LPIN2: variants seen among roughly 807,000 people sequenced by gnomAD.
LPIN2 encodes the protein lipin 2.
A neutral mutation model predicts 111.4 loss-of-function variants in LPIN2; 55 were observed. The observed-to-expected ratio is 0.49, with a 90% CI of 0.40 to 0.62. The LOEUF is 0.62. Ranked by LOEUF, LPIN2 falls within the 20% of genes least tolerant of loss-of-function variation. The probability of loss-of-function intolerance (pLI) is 0.00; values close to 1 mark genes in which losing one functional copy is unlikely to be tolerated. For synonymous variants in LPIN2, 425 were observed against 414.0 expected (o/e 1.03, Z -0.32); for missense variants, 992 against 1,112.1 (o/e 0.89, Z 1.54).
intron 12 of LPIN2, 112 bp from the exon 13 acceptor site, chr18:2,926,917 T>A: frequency 1.2e-6 from 1 of 814,370 alleles, no homozygotes; most frequent in Non-Finnish European, 2.1e-6. Context: ...ACCCACAACT[T>A]AAAAATGCTC....
At chr18:2,931,202 G>C in intron 9 of LPIN2, 54 bp downstream of exon 9, 1 of 1,580,256 alleles carries the variant, frequency 6.3e-7, no homozygotes, top group Non-Finnish European at 8.7e-7. Context: ...TTTTAACCAA[G>C]TGATGACCAG....
chr18:3,009,137 C>T (rs963992502), intron 1 of LPIN2, among the ~76,000 whole-genome samples: 3 of 151,988 alleles, frequency 2.0e-5, no homozygotes. Flanking sequence ...CGGTGGCTCA[C>T]GTCTGTAATC....
intron 1 of LPIN2, among the ~76,000 whole-genome samples, chr18:3,011,293 C>T (rs1049742643): frequency 1.3e-5 from 2 of 152,160 alleles, no homozygotes; most frequent in Non-Finnish European, 2.9e-5. Flanking sequence ...ATAATGCGTG[C>T]CTATTGACTC....
intron 9 of LPIN2, among the ~76,000 whole-genome samples, chr18:2,930,999 G>A (rs2077204790): frequency 6.6e-6 from 1 of 152,140 alleles, no homozygotes; most frequent in Non-Finnish European, 1.5e-5. Flanking sequence ...AGAAAACAGG[G>A]CGGCCTGATA....
chr18:3,004,271 A>G (rs2078477905), intron 1 of LPIN2, among the ~76,000 whole-genome samples: 1 of 152,048 alleles, frequency 6.6e-6, no homozygotes, highest in Non-Finnish European at 1.5e-5. Flanking sequence ...CTCCCTGTTC[A>G]TACACCCCCT....
chr18:2,931,130 T>C (rs1282792926), intron 9 of LPIN2, 126 bp downstream of exon 9: 1 of 1,120,436 alleles, frequency 8.9e-7, no homozygotes, highest in East Asian at 2.6e-5. Flanking sequence ...TTACAGAACA[T>C]ACCTGTTACC....
At chr18:3,000,606 T>C (rs752523002) in intron 1 of LPIN2, among the ~76,000 whole-genome samples, 1 of 152,238 alleles carries the variant, frequency 6.6e-6, no homozygotes, top group Admixed American at 6.5e-5. Context: ...CCCAACATCA[T>C]GAGTGTACAC....
chr18:3,000,992 G>A (rs1267979398), intron 1 of LPIN2, among the ~76,000 whole-genome samples: 1 of 150,970 alleles, frequency 6.6e-6, no homozygotes, highest in Non-Finnish European at 1.5e-5. Context: ...GGGAGGGAGA[G>A]AGAGAGAAAT....
chr18:2,937,963 C>A lies in LPIN2; in HGVS notation c.897G>T (p.Arg299=), dbSNP rs760221776. The A allele has an allele frequency of 3.1e-6, 5 of 1,614,098 alleles. No homozygotes were observed. The South Asian group carries it at 5.5e-5, about 18-fold the overall frequency. The change falls in exon 7 of 20, where the codon CGG becomes CGT. Residue 299 remains arginine (R), a synonymous_variant. Coordinates refer to ENST00000677752, the MANE Select transcript of LPIN2 (RefSeq NM_001375808.2). The stretch of plus-strand genomic sequence containing the variant: ...TGAGGTTGTCCTCACTGGGAATTAC[C>A]CGAAAATGAGTATTTTCTGATGGTG... ...TITPSENTHF[R]VIPSEDNLIS...
intron 1 of LPIN2, among the ~76,000 whole-genome samples, chr18:2,978,045 G>T (rs138488989): frequency 0.011 from 1,686 of 152,150 alleles, 10 homozygotes; most frequent in Non-Finnish European, 0.016. Context: ...ACAAAAAGAA[G>T]CCGGGAGTGG....
intron 1 of LPIN2, among the ~76,000 whole-genome samples, chr18:2,981,991 T>C (rs1489968640): frequency 6.6e-6 from 1 of 152,206 alleles, no homozygotes; most frequent in African/African-American, 2.4e-5. Context: ...CTTCCACAGG[T>C]AGAGTTACAC....
intron 1 of LPIN2, among the ~76,000 whole-genome samples, chr18:2,971,033 CTT>C (rs1170288044): frequency 6.6e-6 from 1 of 152,194 alleles, no homozygotes; most frequent in Non-Finnish European, 1.5e-5. Context: ...CGGCCCAGAC[CTT>C]TACTCAACGA....
intron 1 of LPIN2, among the ~76,000 whole-genome samples, chr18:2,974,900 G>A (rs941402228): frequency 1.3e-5 from 2 of 152,228 alleles, no homozygotes; most frequent in Admixed American, 1.3e-4. Flanking sequence ...GGAGGCTGAG[G>A]TGGGAGGGAA....
chr18:2,953,467 A>C (rs893842405), intron 3 of LPIN2, among the ~76,000 whole-genome samples: 1 of 152,204 alleles, frequency 6.6e-6, no homozygotes, highest in Non-Finnish European at 1.5e-5. Flanking sequence ...TATTACAAAG[A>C]TAAGTAATGA....
chr18:2,971,515 C>T (rs553801553), intron 1 of LPIN2, among the ~76,000 whole-genome samples: 1 of 152,220 alleles, frequency 6.6e-6, no homozygotes, highest in East Asian at 1.9e-4. Flanking sequence ...AGAGAAAAGT[C>T]CCGCAAGCTT....
At chr18:2,928,370 A>G (rs1653370532) in intron 11 of LPIN2, among the ~76,000 whole-genome samples, 1 of 152,234 alleles carries the variant, frequency 6.6e-6, no homozygotes, top group African/African-American at 2.4e-5. Flanking sequence ...ATTTATGTCT[A>G]ATAAAAATGA....
At chr18:2,981,184 G>A (rs965849235) in intron 1 of LPIN2, among the ~76,000 whole-genome samples, 18 of 151,790 alleles carry the variant, frequency 1.2e-4, no homozygotes, top group Admixed American at 9.8e-4. Context: ...CAGAAAGGAT[G>A]TGATTTGTAA....
chr18:2,926,316 C>T (rs2077129966), intron 13 of LPIN2, among the ~76,000 whole-genome samples: 1 of 152,162 alleles, frequency 6.6e-6, no homozygotes, highest in African/African-American at 2.4e-5. Context: ...GCGAGCAACT[C>T]CTCTCAGGGC....
intron 1 of LPIN2, among the ~76,000 whole-genome samples, chr18:2,970,877 G>C (rs960054291): frequency 2.6e-5 from 4 of 152,166 alleles, no homozygotes; most frequent in African/African-American, 4.8e-5. Flanking sequence ...TGAAAGCTCA[G>C]ACTTCTGCTC....
Sources: gnomAD v4.1 joint callset for allele counts (sites outside exome capture counted in the v4.1 genomes callset) on GRCh38, gnomAD v4.1.1 for gene constraint, MANE v1.5 for transcripts, NCBI Gene and HGNC (gene_info 2026-07-23, HGNC 2026-07-21) for gene names.